Variants in ANO6 observed in about 807,000 individuals in gnomAD.
ANO6 encodes anoctamin-6.
ANO6 carries 106 observed loss-of-function variants against 117.5 expected under a neutral mutation model. The observed-to-expected ratio is 0.90, with a 90% CI of 0.77 to 1.06. The LOEUF is 1.06. ANO6 is among the 50% of genes least tolerant of loss of function. The pLI is 0.00. For synonymous variants in ANO6, 367 were observed against 385.1 expected (o/e 0.95, Z 0.55); for missense variants, 955 against 1,121.1 (o/e 0.85, Z 2.12).
intron 2 of ANO6, among the ~76,000 whole-genome samples, chr12:45,322,499 G>A (rs1479744134): frequency 1.3e-5 from 2 of 152,186 alleles, no homozygotes; most frequent in African/African-American, 2.4e-5. Context: ...TCCTCTAGAG[G>A]TTGCTGAGAG....
intron 18 of ANO6, among the ~76,000 whole-genome samples, chr12:45,422,240 T>A (rs1464585819): frequency 6.6e-6 from 1 of 152,158 alleles, no homozygotes; most frequent in Non-Finnish European, 1.5e-5. Context: ...TAAAAAATTA[T>A]AACAAGCAGA....
intron 10 of ANO6, among the ~76,000 whole-genome samples, chr12:45,386,124 A>G (rs972513098): frequency 6.6e-6 from 1 of 152,190 alleles, no homozygotes; most frequent in Non-Finnish European, 1.5e-5. Context: ...CAAAAATCAT[A>G]ATTTATAATT....
chr12:45,400,299 A>G (rs533316438), intron 12 of ANO6, among the ~76,000 whole-genome samples: 1 of 152,334 alleles, frequency 6.6e-6, no homozygotes, highest in African/African-American at 2.4e-5. Flanking sequence ...ATTTTTAAAA[A>G]CACATAATAA....
At chr12:45,311,102 A>G (rs1320751015) in intron 2 of ANO6, among the ~76,000 whole-genome samples, 5 of 151,884 alleles carry the variant, frequency 3.3e-5, no homozygotes, top group African/African-American at 7.2e-5. Context: ...ATGTGTGGGG[A>G]AAAAATGTAT....
chr12:45,396,220 C>G (rs1331765026), intron 12 of ANO6, among the ~76,000 whole-genome samples: 1 of 152,146 alleles, frequency 6.6e-6, no homozygotes, highest in African/African-American at 2.4e-5. Flanking sequence ...AGAGCCAAAT[C>G]ATGAGTGAAC....
intron 1 of ANO6, among the ~76,000 whole-genome samples, chr12:45,252,488 TTTG>T (rs767980278): frequency 2.6e-5 from 4 of 152,218 alleles, no homozygotes; most frequent in Non-Finnish European, 4.4e-5. Context: ...GGTGGGTTTT[TTTG>T]TTGTTGTTGT....
intron 12 of ANO6, among the ~76,000 whole-genome samples, chr12:45,391,733 C>T (rs1306252078): frequency 6.6e-6 from 1 of 152,092 alleles, no homozygotes; most frequent in African/African-American, 2.4e-5. Context: ...CAGGTGTTCA[C>T]CTGTGATCTC....
chr12:45,422,266 GGA>G (rs751453823), intron 18 of ANO6, among the ~76,000 whole-genome samples: 3 of 152,098 alleles, frequency 2.0e-5, no homozygotes, highest in Non-Finnish European at 2.9e-5. Flanking sequence ...CTCTGTATGA[GGA>G]GAGAGAGTCC....
At chr12:45,242,322 C>T (rs897019639) in intron 1 of ANO6, among the ~76,000 whole-genome samples, 6 of 152,216 alleles carry the variant, frequency 3.9e-5, no homozygotes, top group Admixed American at 1.3e-4. Context: ...CCTCGCAGGT[C>T]GATCTCAGAC....
intron 1 of ANO6, among the ~76,000 whole-genome samples, chr12:45,251,433 A>C (rs1257437848): frequency 6.6e-6 from 1 of 152,212 alleles, no homozygotes. Flanking sequence ...TTAGCTGGCA[A>C]ACAGTCTGAT....
chr12:45,296,384 A>G (rs7135029), intron 1 of ANO6, among the ~76,000 whole-genome samples: 139,606 of 152,226 alleles, frequency 0.92, 64,684 homozygotes, highest in Non-Finnish European at 0.99. Flanking sequence ...TGATATCTGT[A>G]CTTACATCAT....
intron 16 of ANO6, among the ~76,000 whole-genome samples, chr12:45,411,574 C>T (rs1943087314): frequency 6.6e-6 from 1 of 152,196 alleles, no homozygotes; most frequent in Non-Finnish European, 1.5e-5. Context: ...GTCTCACCAC[C>T]ACACAGTCCC....
intron 10 of ANO6, among the ~76,000 whole-genome samples, chr12:45,379,006 T>G (rs555547209): frequency 1.3e-5 from 2 of 152,370 alleles, no homozygotes; most frequent in African/African-American, 4.8e-5. Context: ...ATTATCATTT[T>G]CTTTAAATGC....
intron 1 of ANO6, 40 bp from the exon 2 acceptor site, chr12:45,301,974 G>T: frequency 6.4e-7 from 1 of 1,572,610 alleles, no homozygotes. Flanking sequence ...AGCCAGTGCA[G>T]GTTCATGCTT....
chr12:45,357,524 A>G, intron 8 of ANO6, 100 bp downstream of exon 8: 2 of 1,411,614 alleles, frequency 1.4e-6, no homozygotes, highest in South Asian at 2.4e-5. Flanking sequence ...GACTGACTGC[A>G]GAACATTCAT....
chr12:45,325,784 A>AAT (rs566844030), intron 2 of ANO6, among the ~76,000 whole-genome samples: 1 of 152,074 alleles, frequency 6.6e-6, no homozygotes, highest in Non-Finnish European at 1.5e-5. Flanking sequence ...AGGAAAGCCA[A>AAT]ATATATATAT....
chr12:45,335,355 T>C (rs1940794510), intron 3 of ANO6, among the ~76,000 whole-genome samples: 1 of 152,018 alleles, frequency 6.6e-6, no homozygotes, highest in Non-Finnish European at 1.5e-5. Flanking sequence ...TTGTTTTGGA[T>C]TAATCATCAT....
chr12:45,364,355 T>C (rs1025235476), intron 8 of ANO6, among the ~76,000 whole-genome samples: 4 of 152,240 alleles, frequency 2.6e-5, no homozygotes, highest in Non-Finnish European at 4.4e-5. Context: ...TCATTAAATG[T>C]AGGAAGTTTT....
chr12:45,287,785 G>C (rs1330054260), intron 1 of ANO6, among the ~76,000 whole-genome samples: 1 of 152,166 alleles, frequency 6.6e-6, no homozygotes, highest in Non-Finnish European at 1.5e-5. Context: ...GATGCTTCTT[G>C]ATGTGTTGGT....
Sources: gnomAD v4.1 joint callset for allele counts (sites outside exome capture counted in the v4.1 genomes callset) on GRCh38, gnomAD v4.1.1 for gene constraint, MANE v1.5 for transcripts, NCBI Gene and HGNC (gene_info 2026-07-23, HGNC 2026-07-21) for gene names.